Variants in TJP1 observed in about 807,000 individuals in gnomAD.
TJP1 encodes the protein tight junction protein 1, also known as tight junction protein ZO-1.
A neutral mutation model predicts 194.2 loss-of-function variants in TJP1; 43 were observed. The observed-to-expected ratio is 0.22, with a 90% confidence interval of 0.17 to 0.29. TJP1 has a LOEUF of 0.29. TJP1 is among the 10% of genes least tolerant of loss of function. The pLI, the probability that TJP1 is intolerant of heterozygous loss-of-function variation, is 1.00. For missense variants in TJP1, 1,971 were observed against 2,185.7 expected (o/e 0.90, Z 1.96); for synonymous variants, 801 against 779.0 (o/e 1.03, Z -0.47).
At chr15:29,957,573 T>C (rs538900446) in intron 1 of TJP1, among the ~76,000 whole-genome samples, 17 of 152,372 alleles carry the variant, frequency 1.1e-4, no homozygotes, top group African/African-American at 4.1e-4. Flanking sequence ...CTTCCCATAA[T>C]AATCCATACA....
chr15:29,857,453 T>G (rs907580849), intron 2 of TJP1, among the ~76,000 whole-genome samples: 9 of 152,320 alleles, frequency 5.9e-5, no homozygotes, highest in Non-Finnish European at 8.8e-5. Context: ...GTCTCCTGAT[T>G]CAACCATTCT....
At chr15:29,799,027 A>G (rs1222823888) in intron 2 of TJP1, among the ~76,000 whole-genome samples, 2 of 152,198 alleles carry the variant, frequency 1.3e-5, no homozygotes, top group African/African-American at 4.8e-5. Context: ...ATAGGTGTTA[A>G]GAGAAAGTTT....
At chr15:29,822,534 G>A (rs2050482894), upstream of TJP1, 1 of 977,942 alleles carries the variant, frequency 1.0e-6, no homozygotes. Context: ...GACGAGGCGA[G>A]GCGAGGCGAG....
At chr15:29,722,614 G>GC (rs1566897476) in intron 18 of TJP1, among the ~76,000 whole-genome samples, 12 of 152,280 alleles carry the variant, frequency 7.9e-5, no homozygotes, top group East Asian at 3.9e-4. Context: ...TGGGGTTGGA[G>GC]CCCCCCACCA....
chr15:29,728,185 CTTT>C (rs201486703), intron 15 of TJP1, 166 bp from the exon 16 acceptor site: 10 of 355,136 alleles, frequency 2.8e-5, no homozygotes, highest in African/African-American at 6.6e-5. Flanking sequence ...GCATACTTCC[CTTT>C]TTTTTTTTCA....
At chr15:29,931,337 G>A (rs2054706124) in intron 2 of TJP1, among the ~76,000 whole-genome samples, 1 of 152,064 alleles carries the variant, frequency 6.6e-6, no homozygotes. Flanking sequence ...GAGCCGCACT[G>A]TTCAAACCCA....
intron 8 of TJP1, among the ~76,000 whole-genome samples, chr15:29,755,895 T>G (rs1012151607): frequency 2.6e-5 from 4 of 152,136 alleles, no homozygotes; most frequent in African/African-American, 9.7e-5. Context: ...ATAGAATTTT[T>G]TCAATATTGT....
At position 29,726,852 on chromosome 15, in the gene TJP1, G is replaced by C; in HGVS notation, c.2240C>G (p.Ser747Cys). The C allele has an allele frequency of 6.2e-7, 1 of 1,614,118 alleles. No homozygotes were observed. The highest frequency in any genetic ancestry group is 8.5e-7 in the Non-Finnish European group (1 of 1,180,026). Residue 747 changes from serine (S) to cysteine (C), a missense_variant, in exon 17 of 28, where the codon TCT becomes TGT. Physicochemically the swap from Ser to Cys is moderately radical, Grantham distance 112. Coordinates refer to ENST00000614355, the MANE Select transcript of TJP1 (RefSeq NM_001330239.4). ...GTATAACTTCCTGGCACTTTTCCGA[G>C]ATTCTGGACATAACCTCATTCTCAT... ...KTMRMRLCPESRKSARKLYER... is the reference protein window; with the variant it reads ...KTMRMRLCPECRKSARKLYER...
At chr15:29,857,178 T>C (rs141810349) in intron 2 of TJP1, among the ~76,000 whole-genome samples, 3 of 152,180 alleles carry the variant, frequency 2.0e-5, no homozygotes, top group East Asian at 1.9e-4. Flanking sequence ...TAATCTTATA[T>C]TGGGGAGTCC....
chr15:29,768,531 A>C (rs1353417273), intron 4 of TJP1, among the ~76,000 whole-genome samples: 1 of 152,092 alleles, frequency 6.6e-6, no homozygotes, highest in Non-Finnish European at 1.5e-5. Context: ...AGAGTGCGCC[A>C]CCTCTTTGGG....
At chr15:29,780,615 T>G (rs191300113) in intron 2 of TJP1, among the ~76,000 whole-genome samples, 2 of 152,116 alleles carry the variant, frequency 1.3e-5, no homozygotes, top group African/African-American at 4.8e-5. Flanking sequence ...TAATGGATAC[T>G]GAGTAGCAGA....
At chr15:29,847,442 C>CA (rs1030138331) in intron 2 of TJP1, among the ~76,000 whole-genome samples, 35 of 151,934 alleles carry the variant, frequency 2.3e-4, no homozygotes, top group African/African-American at 8.2e-4. Flanking sequence ...TTTCTAGGTT[C>CA]TTGAGGTAGT....
chr15:29,846,249 TC>T (rs1415382208), intron 2 of TJP1, among the ~76,000 whole-genome samples: 3 of 152,074 alleles, frequency 2.0e-5, no homozygotes, highest in African/African-American at 7.2e-5. Context: ...CAGACCTTCC[TC>T]CCAGGCTTGT....
chr15:29,749,842 T>A lies in TJP1; in HGVS notation c.1011-7061A>T, dbSNP rs560905056. ...AGTAGCTGCTCCTTCTATCTGTGGT[T>A]CTTTTGTGCTTTGTTTTTGAGACGG... On this transcript the variant is annotated intron_variant, in intron 8 of 27. Transcript: ENST00000614355. Among the ~76,000 whole-genome samples, 8 of 152,198 alleles carry A rather than the reference T, an allele frequency of 5.3e-5. No individual in the cohort carries two copies. In the South Asian group the frequency reaches 6.2e-4, roughly 12 times the overall value.
chr15:29,823,130 C>G (rs1269243126), upstream of TJP1: 1 of 152,204 alleles, frequency 6.6e-6, no homozygotes, highest in Admixed American at 6.5e-5. Flanking sequence ...CAAGATATAT[C>G]CAAAGTCTCT....
At chr15:29,745,074 T>C (rs941607228) in intron 8 of TJP1, among the ~76,000 whole-genome samples, 2 of 151,864 alleles carry the variant, frequency 1.3e-5, no homozygotes, top group Admixed American at 1.3e-4. Flanking sequence ...CATGAGAAAA[T>C]TTGCAGTCAT....
chr15:29,837,938 T>C (rs2051090939), intron 2 of TJP1, among the ~76,000 whole-genome samples: 1 of 152,140 alleles, frequency 6.6e-6, no homozygotes, highest in South Asian at 2.1e-4. Flanking sequence ...AGCATCTGAG[T>C]GTGGAATACC....
At chr15:29,878,200 C>G (rs1337832939) in intron 2 of TJP1, among the ~76,000 whole-genome samples, 2 of 152,040 alleles carry the variant, frequency 1.3e-5, no homozygotes, top group Non-Finnish European at 2.9e-5. Flanking sequence ...CAGGCGCCCG[C>G]TACCATGCTT....
chr15:29,877,302 G>A (rs769120697), intron 2 of TJP1, among the ~76,000 whole-genome samples: 4 of 151,710 alleles, frequency 2.6e-5, no homozygotes, highest in South Asian at 2.1e-4. Flanking sequence ...CTGCAGCCTC[G>A]ACCTCCCGAG....
Sources: gnomAD v4.1 joint callset for allele counts (sites outside exome capture counted in the v4.1 genomes callset) on GRCh38, gnomAD v4.1.1 for gene constraint, MANE v1.5 for transcripts, NCBI Gene and HGNC (gene_info 2026-07-23, HGNC 2026-07-21) for gene names.